The following A2M variants were observed in gnomAD, a reference collection of about 807,000 sequenced individuals.
A2M encodes alpha-2-macroglobulin.
Under a neutral mutation model 183.9 loss-of-function variants are expected in A2M, and 128 were observed. That is an observed-to-expected ratio of 0.70 (90% CI 0.60 to 0.81). A2M has a LOEUF of 0.81. Ranked by LOEUF, A2M falls within the 30% of genes least tolerant of loss-of-function variation. The pLI is 0.00. For missense variants in A2M, 1,495 were observed against 1,787.6 expected, an observed-to-expected ratio of 0.84 and a Z score of 2.95; for synonymous variants, 592 against 670.8, an observed-to-expected ratio of 0.88 and a Z score of 1.81.
intron 26 of A2M, 92 bp from the exon 27 acceptor site, chr12:9,077,512 T>A: frequency 6.8e-7 from 1 of 1,475,410 alleles, no homozygotes; most frequent in Non-Finnish European, 9.3e-7. Context: ...GAATTCATCC[T>A]TACCCATATC....
At chr12:9,100,706 G>A (rs1036329874) in intron 13 of A2M, among the ~76,000 whole-genome samples, 3 of 152,136 alleles carry the variant, frequency 2.0e-5, no homozygotes, top group Non-Finnish European at 4.4e-5. Flanking sequence ...AATATTAGAT[G>A]GAAATGGTCT....
Position 9,077,335 on chromosome 12 carries a change from G to T in A2M, c.3351+11C>A, listed in dbSNP as rs192780426. ...AACTCTCCTTCAGCAGAGGAATGGG[G>T]TGGTACCTACAGTGACTGTGAGAGG... On this transcript the variant is annotated intron_variant, in intron 27 of 35. Coordinates refer to ENST00000318602, the MANE Select transcript of A2M (RefSeq NM_000014.6). 65 of 1,610,022 alleles carry T rather than the reference G, an allele frequency of 4.0e-5. No individual in the cohort carries two copies. Among genetic ancestry groups the T allele is most frequent in the Non-Finnish European group, 5.1e-5 (60 of 1,176,998 alleles).
chr12:9,068,976 T>A lies in A2M; in HGVS notation c.4264-134A>T, dbSNP rs1948480434. 1.8e-5 allele frequency: 10 copies of A among 564,342 alleles called. No homozygotes were observed. The South Asian group carries it at 3.2e-4, about 18-fold the overall frequency. The allele number at this position is 564,342 out of a possible 1,614,324, so 35.0% of individuals were successfully genotyped here. ...CACACTATAGGGTCCTTAATTAAATTGTGCAGAAATCTCTCAGAGGGGATG... is the reference window on the plus strand; with the variant it reads ...CACACTATAGGGTCCTTAATTAAATAGTGCAGAAATCTCTCAGAGGGGATG... On this transcript the variant is annotated intron_variant, in intron 33 of 35. Coordinates refer to ENST00000318602, the MANE Select transcript of A2M (RefSeq NM_000014.6).
chr12:9,079,338 A>G lies in A2M; in HGVS notation c.3032-7T>C, dbSNP rs1279111321. ...TTCAACTGTCTCTGGTAACCTGGAA[A>G]GGAAGATTAACGAAACAGCACAATG... On this transcript the variant is annotated splice_polypyrimidine_tract_variant and splice_region_variant and intron_variant, in intron 24 of 35. Coordinates refer to ENST00000318602, the MANE Select transcript of A2M (RefSeq NM_000014.6). The G allele has an allele frequency of 1.2e-6, 2 of 1,612,946 alleles. No individual in the cohort carries two copies. The highest frequency in any genetic ancestry group is 1.7e-6 in the Non-Finnish European group (2 of 1,179,178).
At chr12:9,094,678 TTGAA>T (rs1002363616) in intron 17 of A2M, among the ~76,000 whole-genome samples, 1 of 152,092 alleles carries the variant, frequency 6.6e-6, no homozygotes, top group African/African-American at 2.4e-5. Flanking sequence ...TTTGGGGAAG[TTGAA>T]CAGCTTTTTT....
intron 8 of A2M, 31 bp downstream of exon 8, chr12:9,107,493 T>C (rs925209164): frequency 1.9e-6 from 3 of 1,612,356 alleles, no homozygotes; most frequent in African/African-American, 2.7e-5. Flanking sequence ...CCTTTATCGC[T>C]ATTCTCTAGA....
chr12:9,074,731 A>G lies in A2M; in HGVS notation c.3585T>C (p.His1195=). The change falls in exon 29 of 36, where the codon CAT becomes CAC. Residue 1195 remains histidine, a synonymous_variant. Transcript: ENST00000318602. ...RPQKPKAPVG[H]FYEPQAPSAE... ...CAGAGGGAGCCTGGGGTTCGTAAAA[A>G]TGCCCCACTGGTGCCTTGGGTTTCT... 2 of 1,613,964 alleles carry G rather than the reference A, an allele frequency of 1.2e-6. No homozygotes were observed. Among genetic ancestry groups the G allele is most frequent in the South Asian group, 2.2e-5 (2 of 90,988 alleles).
chr12:9,116,079 A>G (rs1285389603), upstream of A2M: 3 of 519,884 alleles, frequency 5.8e-6, no homozygotes, highest in African/African-American at 5.8e-5. Context: ...CGGGCTAAAT[A>G]GAATCCCTGG....
intron 10 of A2M, among the ~76,000 whole-genome samples, chr12:9,106,024 C>T (rs1263189835): frequency 4.6e-5 from 7 of 152,164 alleles, no homozygotes; most frequent in Admixed American, 2.6e-4. Context: ...AGGATAATTA[C>T]ATACATTTCA....
intron 19 of A2M, 75 bp downstream of exon 19, chr12:9,091,126 G>T: frequency 6.6e-7 from 1 of 1,504,090 alleles, no homozygotes; most frequent in Non-Finnish European, 9.2e-7. Flanking sequence ...ACAAGAGTTT[G>T]CAGTATTCCT....
In A2M at chr12:9,079,671, A is replaced by C. The variant is rs752902850; in HGVS notation, c.2999T>G (p.Ile1000Ser). 2 of 1,613,538 alleles carry C rather than the reference A, an allele frequency of 1.2e-6. No individual in the cohort carries two copies. The highest frequency in any genetic ancestry group is 1.7e-6 in the Non-Finnish European group (2 of 1,179,710). The change falls in exon 24 of 36, where the codon ATC becomes AGC. Residue 1000 changes from isoleucine to serine, a missense_variant. By Grantham distance (142) the Ile-to-Ser change is moderately radical. Transcript: ENST00000318602. Reference protein sequence around the residue: ...LNETQQLTPEIKSKAIGYLNT... With the variant: ...LNETQQLTPESKSKAIGYLNT... ...GAGATAGCCAATGGCCTTGGACTTG[A>C]TCTCTGGAGTAAGCTGCTGTGTTTC...
intron 27 of A2M, 100 bp downstream of exon 27, chr12:9,077,246 C>T (rs1488771305): frequency 7.0e-6 from 8 of 1,149,604 alleles, no homozygotes; most frequent in Non-Finnish European, 8.7e-6. Flanking sequence ...AGAAAGAAAG[C>T]TGATGCTTTG....
chr12:9,088,465 A>G (rs1373993908), intron 22 of A2M, among the ~76,000 whole-genome samples: 1 of 152,180 alleles, frequency 6.6e-6, no homozygotes, highest in Non-Finnish European at 1.5e-5. Flanking sequence ...AAATAAGGCT[A>G]AATGACAAGG....
intron 10 of A2M, among the ~76,000 whole-genome samples, chr12:9,104,836 A>C (rs1468007782): frequency 6.6e-6 from 1 of 152,170 alleles, no homozygotes; most frequent in Non-Finnish European, 1.5e-5. Context: ...TTGTGCCCCA[A>C]ACACCTATTT....
intron 30 of A2M, 80 bp from the exon 31 acceptor site, chr12:9,072,566 T>C: frequency 6.3e-7 from 1 of 1,597,644 alleles, no homozygotes; most frequent in Non-Finnish European, 8.5e-7. Flanking sequence ...TTCTCTGATC[T>C]GTCCCATTGT....
At chr12:9,100,584 C>T (rs747536340) in intron 13 of A2M, among the ~76,000 whole-genome samples, 4 of 151,874 alleles carry the variant, frequency 2.6e-5, no homozygotes, top group Admixed American at 2.6e-4. Flanking sequence ...TGGCCCACAC[C>T]AATATTTTAA....
At chr12:9,079,892 G>A (rs981133667) in intron 23 of A2M, 77 bp from the exon 24 acceptor site, 3 of 1,336,500 alleles carry the variant, frequency 2.2e-6, no homozygotes, top group African/African-American at 3.0e-5. Context: ...GAAATAATTA[G>A]TTGAGCTTAG....
In A2M at chr12:9,068,842, C is replaced by T. The variant is rs754217279; in HGVS notation, c.4264G>A (p.Val1422Met). 7 of 1,585,712 alleles carry T rather than the reference C, an allele frequency of 4.4e-6. No individual in the cohort carries two copies. In the East Asian group the frequency reaches 1.1e-4, roughly 25 times the overall value. Reference protein sequence around the residue: ...SNHVLIYLDKVSNQTLSLFFT... With the variant: ...SNHVLIYLDKMSNQTLSLFFT... ...AACAAGCTCAGTGTCTGATTTGACA[C>T]CTGGAAAGCAAAAGTCAATTAAATG... Residue 1422 changes from valine (V) to methionine (M), a missense_variant and splice_region_variant, in exon 34 of 36, where the codon GTG (valine) becomes ATG (methionine). Physicochemically the swap from Val to Met is conservative, Grantham distance 21. Transcript: ENST00000318602.
chr12:9,104,500 A>G, intron 10 of A2M, 100 bp from the exon 11 acceptor site: 1 of 1,287,930 alleles, frequency 7.8e-7, no homozygotes, highest in East Asian at 2.6e-5. Flanking sequence ...TATGTTGAAC[A>G]TGGTTCCAGG....
Sources: allele counts gnomAD v4.1 joint callset (sites outside exome capture counted in the v4.1 genomes callset), GRCh38; gene constraint gnomAD v4.1.1; transcripts MANE v1.5; gene names NCBI Gene and HGNC (gene_info 2026-07-23, HGNC 2026-07-21).